CTF1: variants seen among roughly 807,000 people sequenced by gnomAD.
The protein encoded by CTF1 is cardiotrophin 1.
Under a neutral mutation model 10.9 loss-of-function variants are expected in CTF1, and 9 were observed. The observed-to-expected ratio is 0.83, with a 90% CI of 0.50 to 1.44. The LOEUF is 1.44. CTF1 is among the 40% of genes most tolerant of loss of function. CTF1 has a pLI of 0.00. For synonymous variants in CTF1, 133 were observed against 138.8 expected (o/e 0.96, Z 0.29); for missense variants, 259 against 275.3 (o/e 0.94, Z 0.42).
chr16:30,902,431 G>A lies in CTF1; in HGVS notation c.498G>A (p.Gly166=), dbSNP rs1182446601. 1.4e-6 allele frequency: 2 copies of A among 1,410,766 alleles called. No individual in the cohort carries two copies. The highest frequency in any genetic ancestry group is 2.6e-5 in the Admixed American group (1 of 38,006). 87.4% of individuals were successfully genotyped at this position (1,410,766 alleles called of 1,614,324 possible). ...CCGCCTCAGCCGCCTCCGCCACCGG[G>A]GTCTTCCCCGCCAAGGTGCTGGGGC... ...AATASAASAT[G]VFPAKVLGLR... Residue 166 remains glycine (G), a synonymous_variant, in exon 3 of 3, where the codon GGG becomes GGA. Transcript: ENST00000279804.
upstream of CTF1, among the ~76,000 whole-genome samples, chr16:30,896,450 C>T (rs1567329290): frequency 6.6e-6 from 1 of 152,212 alleles, no homozygotes; most frequent in African/African-American, 2.4e-5. Flanking sequence ...CCTCGGGCCC[C>T]TTCCCCCACT....
At position 30,899,340 on chromosome 16, in the gene CTF1, C is replaced by T. The variant is rs954424408; in HGVS notation, c.26-75C>T. 1.2e-5 allele frequency: 11 copies of T among 941,482 alleles called. No homozygotes were observed. In the African/African-American group the frequency reaches 1.5e-4, roughly 12 times the overall value. 58.3% of individuals were successfully genotyped at this position (941,482 alleles called of 1,614,324 possible). A position where few individuals can be genotyped will look rare whatever the true frequency, so the allele number is the denominator to read the frequency against. On this transcript the variant is annotated intron_variant, in intron 1 of 2. Coordinates refer to ENST00000279804, the MANE Select transcript of CTF1 (RefSeq NM_001330.5). ...GGACAGACCCTGATGGGGTCAGGAACAAAGAGCCAGCGTGGGAGAGGTGAT... is the reference window on the plus strand; with the variant it reads ...GGACAGACCCTGATGGGGTCAGGAATAAAGAGCCAGCGTGGGAGAGGTGAT...
At chr16:30,901,463 T>C (rs1169407923) in intron 2 of CTF1, among the ~76,000 whole-genome samples, 1 of 152,176 alleles carries the variant, frequency 6.6e-6, no homozygotes, top group African/African-American at 2.4e-5. Context: ...GTCTGTAAGG[T>C]AACTTTAATA....
At position 30,902,376 on chromosome 16, in the gene CTF1, G is replaced by A. The variant is rs769217611; in HGVS notation, c.443G>A (p.Arg148His). ...ALLAALGAANRGPRAEPPAAT... is the reference protein window; with the variant it reads ...ALLAALGAANHGPRAEPPAAT... ...CTGGCCGCGCTGGGCGCCGCCAACCGCGGGCCCCGGGCCGAGCCCCCCGCC... is the reference window on the plus strand; with the variant it reads ...CTGGCCGCGCTGGGCGCCGCCAACCACGGGCCCCGGGCCGAGCCCCCCGCC... Residue 148 changes from arginine to histidine, a missense_variant, in exon 3 of 3, where the codon CGC (arginine) becomes CAC (histidine). Arg to His is a conservative substitution (Grantham distance 29). Coordinates refer to ENST00000279804, the MANE Select transcript of CTF1 (RefSeq NM_001330.5). 2.5e-6 allele frequency: 3 copies of A among 1,199,788 alleles called. No homozygotes were observed. The highest frequency in any genetic ancestry group is 4.5e-5 in the Admixed American group (1 of 22,014). 74.3% of individuals were successfully genotyped at this position (1,199,788 alleles called of 1,614,324 possible).
chr16:30,902,499 A>C lies in CTF1; in HGVS notation c.566A>C (p.Glu189Ala), dbSNP rs2055413530. The stretch of plus-strand genomic sequence containing the variant: ...TACCGCGAGTGGCTGAGCCGCACCG[A>C]GGGCGACCTGGGCCAGCTGCTGCCC... ...GLYREWLSRTEGDLGQLLPGG... is the reference protein window; with the variant it reads ...GLYREWLSRTAGDLGQLLPGG... The change falls in exon 3 of 3, where the codon GAG (glutamate) becomes GCG (alanine). Residue 189 changes from glutamate (E) to alanine (A), a missense_variant. Glu to Ala is a moderately radical substitution (Grantham distance 107). Coordinates refer to ENST00000279804, the MANE Select transcript of CTF1 (RefSeq NM_001330.5). 1 of 1,490,092 alleles carries C rather than the reference A, an allele frequency of 6.7e-7. No homozygotes were observed. The highest frequency in any genetic ancestry group is 1.5e-5 in the African/African-American group (1 of 68,890). The allele number at this position is 1,490,092 out of a possible 1,614,324, so 92.3% of individuals were successfully genotyped here. A position where few individuals can be genotyped will look rare whatever the true frequency, so the allele number is the denominator to read the frequency against.
Position 30,902,438 on chromosome 16 carries a change from C to G in CTF1, c.505C>G (p.Pro169Ala), listed in dbSNP as rs746337311. The change falls in exon 3 of 3, where the codon CCC becomes GCC. Residue 169 changes from proline (P) to alanine (A), a missense_variant. Coordinates refer to ENST00000279804, the MANE Select transcript of CTF1 (RefSeq NM_001330.5). Reference protein sequence around the residue: ...ASAASATGVFPAKVLGLRVCG... With the variant: ...ASAASATGVFAAKVLGLRVCG... ...AGCCGCCTCCGCCACCGGGGTCTTC[C>G]CCGCCAAGGTGCTGGGGCTCCGCGT... The G allele has an allele frequency of 7.1e-7, 1 of 1,416,796 alleles. No homozygotes were observed. The allele number at this position is 1,416,796 out of a possible 1,614,324, so 87.8% of individuals were successfully genotyped here.
Position 30,902,565 on chromosome 16 carries a change from T to A in CTF1, c.*26T>A. 1 of 1,491,220 alleles carries A rather than the reference T, an allele frequency of 6.7e-7. No individual in the cohort carries two copies. Among genetic ancestry groups the A allele is most frequent in the Non-Finnish European group, 8.9e-7 (1 of 1,123,998 alleles). The allele number at this position is 1,491,220 out of a possible 1,614,324, so 92.4% of individuals were successfully genotyped here. The stretch of plus-strand genomic sequence containing the variant: ...GCGCCGCGGGGCAGCTCGCCCCGCC[T>A]CCTCCCGCTGGGTTCCGTCTCTCCT... On this transcript the variant is annotated 3_prime_UTR_variant, in exon 3 of 3. Transcript: ENST00000279804.
In CTF1 at chr16:30,902,388, C is replaced by T; in HGVS notation, c.455C>T (p.Ala152Val). The part of the protein sequence containing the change: ...ALGAANRGPR[A>V]EPPAATASAA... ...GGCGCCGCCAACCGCGGGCCCCGGGCCGAGCCCCCCGCCGCCACCGCCTCA... is the reference window on the plus strand; with the variant it reads ...GGCGCCGCCAACCGCGGGCCCCGGGTCGAGCCCCCCGCCGCCACCGCCTCA... Residue 152 changes from alanine (A) to valine (V), a missense_variant, in exon 3 of 3, where the codon GCC (alanine) becomes GTC (valine). By Grantham distance (64) the Ala-to-Val change is moderately conservative. Coordinates refer to ENST00000279804, the MANE Select transcript of CTF1 (RefSeq NM_001330.5). 8.1e-7 allele frequency: 1 copy of T among 1,240,358 alleles called. No homozygotes were observed. Among genetic ancestry groups the T allele is most frequent in the Non-Finnish European group, 1.0e-6 (1 of 991,874 alleles). The allele number at this position is 1,240,358 out of a possible 1,614,324, so 76.8% of individuals were successfully genotyped here.
At chr16:30,899,186 G>A (rs2055379889) in intron 1 of CTF1, among the ~76,000 whole-genome samples, 2 of 152,210 alleles carry the variant, frequency 1.3e-5, no homozygotes, top group Admixed American at 6.5e-5. Context: ...ATGTTGTTAA[G>A]CAAGGCATGA....
Position 30,902,559 on chromosome 16 carries a change from C to T in CTF1, c.*20C>T. On this transcript the variant is annotated 3_prime_UTR_variant, in exon 3 of 3. Transcript: ENST00000279804. ...GCCTGAGCGCCGCGGGGCAGCTCGC[C>T]CCGCCTCCTCCCGCTGGGTTCCGTC... 1 of 1,492,444 alleles carries T rather than the reference C, an allele frequency of 6.7e-7. No homozygotes were observed. The highest frequency in any genetic ancestry group is 8.9e-7 in the Non-Finnish European group (1 of 1,124,796). 92.5% of individuals were successfully genotyped at this position (1,492,444 alleles called of 1,614,324 possible). A position where few individuals can be genotyped will look rare whatever the true frequency, so the allele number is the denominator to read the frequency against.
In CTF1 at chr16:30,902,768, G is replaced by A; in HGVS notation, c.*229G>A. 2.1e-6 allele frequency: 1 copy of A among 479,438 alleles called. No homozygotes were observed. The allele number at this position is 479,438 out of a possible 1,614,324, so 29.7% of individuals were successfully genotyped here. On this transcript the variant is annotated 3_prime_UTR_variant, in exon 3 of 3. Coordinates refer to ENST00000279804, the MANE Select transcript of CTF1 (RefSeq NM_001330.5). ...CAGCACTGCAGCCTCAACCTCCTGG[G>A]CTCAAGCCATCCTTCCGCCTCAGCT...
Position 30,902,171 on chromosome 16 carries a change from G to C in CTF1, c.238G>C (p.Gly80Arg). Residue 80 changes from glycine to arginine, a missense_variant, in exon 3 of 3, where the codon GGG becomes CGG. By Grantham distance (125) the Gly-to-Arg change is moderately radical. Transcript: ENST00000279804. Reference protein sequence around the residue: ...GLSAPAPSHAGLPVHERLRLD... With the variant: ...GLSAPAPSHARLPVHERLRLD... ...GAGCGCCCCGGCTCCGAGCCACGCGGGGCTGCCAGTGCACGAGCGGCTGCG... is the reference window on the plus strand; with the variant it reads ...GAGCGCCCCGGCTCCGAGCCACGCGCGGCTGCCAGTGCACGAGCGGCTGCG... 2 of 1,267,760 alleles carry C rather than the reference G, an allele frequency of 1.6e-6. No individual in the cohort carries two copies. Among genetic ancestry groups the C allele is most frequent in the South Asian group, 2.6e-5 (1 of 38,196 alleles). The allele number at this position is 1,267,760 out of a possible 1,614,324, so 78.5% of individuals were successfully genotyped here.
Position 30,902,600 on chromosome 16 carries a change from T to C in CTF1, c.*61T>C, listed in dbSNP as rs539575556. ...GGGTTCCGTCTCTCCTTCCGCTTCT[T>C]TGTCTTTCTCTGCCGCTGTCGGTGT... On this transcript the variant is annotated 3_prime_UTR_variant, in exon 3 of 3. Transcript: ENST00000279804. The C allele has an allele frequency of 2.1e-6, 3 of 1,430,712 alleles. No homozygotes were observed. The highest frequency in any genetic ancestry group is 1.3e-5 in the South Asian group (1 of 75,838). The allele number at this position is 1,430,712 out of a possible 1,614,324, so 88.6% of individuals were successfully genotyped here. A position where few individuals can be genotyped will look rare whatever the true frequency, so the allele number is the denominator to read the frequency against.
rs542257701 is a variant in CTF1, at chr16:30,898,510, C to G, written c.26-905C>G. On this transcript the variant is annotated intron_variant, in intron 1 of 2. Coordinates refer to ENST00000279804, the MANE Select transcript of CTF1 (RefSeq NM_001330.5). ...GTTTCACCATGTTGGCCAGGCTGGTCTCAAACTCCTGACCTCAAGTGATCT... is the reference window on the plus strand; with the variant it reads ...GTTTCACCATGTTGGCCAGGCTGGTGTCAAACTCCTGACCTCAAGTGATCT... 4.5e-4 allele frequency among the ~76,000 whole-genome samples: 68 copies of G among 151,892 alleles called. 1 individual carries two copies. In the Middle Eastern group the frequency reaches 0.014, roughly 31 times the overall value.
intron 2 of CTF1, among the ~76,000 whole-genome samples, 200 bp from the exon 3 acceptor site, chr16:30,901,878 A>G (rs1283811666): frequency 6.6e-6 from 1 of 151,244 alleles, no homozygotes; most frequent in Non-Finnish European, 1.5e-5. Context: ...GTCTGGGTCC[A>G]GTTTAGGGAG....
chr16:30,896,927 CA>C (rs996761460), intron 1 of CTF1, among the ~76,000 whole-genome samples: 1 of 151,964 alleles, frequency 6.6e-6, no homozygotes, highest in Non-Finnish European at 1.5e-5. Context: ...CGAGTACACC[CA>C]GGGGGAGGAC....
intron 2 of CTF1, among the ~76,000 whole-genome samples, chr16:30,901,485 A>G (rs1477627803): frequency 6.6e-6 from 1 of 152,146 alleles, no homozygotes; most frequent in Non-Finnish European, 1.5e-5. Flanking sequence ...AAGAGCTGAC[A>G]TTTTTACTGA....
intron 1 of CTF1, among the ~76,000 whole-genome samples, chr16:30,897,923 T>C (rs8063700): frequency 0.76 from 115,769 of 151,484 alleles, 47,569 homozygotes; most frequent in East Asian, 1. Flanking sequence ...GCAGTGGCCT[T>C]GGCTCACTGC....
At position 30,902,244 on chromosome 16, in the gene CTF1, T is replaced by C. The variant is rs1367415789; in HGVS notation, c.311T>C (p.Val104Ala). Reference protein sequence around the residue: ...LAALPPLLDAVCRRQAELNPR... With the variant: ...LAALPPLLDAACRRQAELNPR... ...GCGCTGCCCCCGCTGCTGGACGCAG[T>C]GTGTCGCCGCCAGGCCGAGCTGAAC... Residue 104 changes from valine (V) to alanine (A), a missense_variant, in exon 3 of 3, where the codon GTG (valine) becomes GCG (alanine). Physicochemically the swap from Val to Ala is moderately conservative, Grantham distance 64 (BLOSUM62 0). Coordinates refer to ENST00000279804, the MANE Select transcript of CTF1 (RefSeq NM_001330.5). The C allele has an allele frequency of 1.6e-5, 18 of 1,121,694 alleles. No homozygotes were observed. Among genetic ancestry groups the C allele is most frequent in the Non-Finnish European group, 2.0e-5 (18 of 920,028 alleles). The allele number at this position is 1,121,694 out of a possible 1,614,324, so 69.5% of individuals were successfully genotyped here. A position where few individuals can be genotyped will look rare whatever the true frequency, so the allele number is the denominator to read the frequency against.
Sources: gnomAD v4.1 joint callset for allele counts (sites outside exome capture counted in the v4.1 genomes callset) on GRCh38, gnomAD v4.1.1 for gene constraint, MANE v1.5 for transcripts, NCBI Gene and HGNC (gene_info 2026-07-23, HGNC 2026-07-21) for gene names.